GTF2F1: variants seen among roughly 807,000 people sequenced by gnomAD.
GTF2F1 encodes general transcription factor IIF subunit 1.
GTF2F1 carries 39 observed loss-of-function variants against 63.5 expected under a neutral mutation model. The ratio of observed to expected loss-of-function variants is 0.61; its 90% CI spans 0.48 to 0.80. GTF2F1 has a LOEUF of 0.80. GTF2F1 is among the 30% of genes least tolerant of loss of function. The pLI is 0.00. For missense variants in GTF2F1, 657 were observed against 718.3 expected (o/e 0.91, Z 0.97); for synonymous variants, 287 against 285.3 (o/e 1.01, Z -0.06).
chr19:6,385,574 C>T (rs115600542), intron 5 of GTF2F1, among the ~76,000 whole-genome samples: 5 of 152,200 alleles, frequency 3.3e-5, no homozygotes, highest in African/African-American at 7.2e-5. Context: ...ACTGATTTTA[C>T]AGTGGAGCCC....
At chr19:6,392,954 AC>A in intron 1 of GTF2F1, 29 bp downstream of exon 1, 2 of 1,613,448 alleles carry the variant, frequency 1.2e-6, no homozygotes, top group African/African-American at 1.3e-5. Flanking sequence ...CGCCGTCGGA[AC>A]CCCCGAACCC....
In GTF2F1 at chr19:6,381,086, C is replaced by T. The variant is rs375498391; in HGVS notation, c.1092+36G>A. The stretch of plus-strand genomic sequence containing the variant: ...GGAGGTGGGTGAGTCTGCAAACAGA[C>T]GCCCAGGCCTCCCCCGCCACCGGGC... On this transcript the variant is annotated intron_variant, in intron 10 of 12. Transcript: ENST00000394456. This position sits in a 1 kb window ranked among gnomAD's most constrained non-coding sequence, Gnocchi z 4.1. 5.4e-5 allele frequency: 86 copies of T among 1,605,364 alleles called. No homozygotes were observed. Among genetic ancestry groups the T allele is most frequent in the Non-Finnish European group, 6.2e-5 (73 of 1,176,136 alleles).
rs769460685 is a variant in GTF2F1 at position 6,380,931 on chromosome 19, G to A, written c.1204C>T (p.Arg402Trp). Residue 402 changes from arginine (R) to tryptophan (W), a missense_variant, in exon 11 of 13, where the codon CGG becomes TGG. Arg to Trp is a moderately radical substitution (Grantham distance 101, BLOSUM62 -3). Around this residue, in one of 2 missense-constraint regions of GTF2F1, gnomAD observed 602 missense variants for 625.6 expected, o/e 0.96. Transcript: ENST00000394456. The surrounding 1 kb of genome is among the most constrained non-coding windows in gnomAD (Gnocchi z 5.3). ...TGCTCGAGTTTGCTGGCAGCCGCCC[G>A]CAGGGTGGAGGAGGTGCTGCCACCC... is the stretch of plus-strand genomic sequence containing the variant. The part of the protein sequence containing the change: ...AEGGSTSSTL[R>W]AAASKLEQGK... The A allele has an allele frequency of 2.3e-5, 37 of 1,575,932 alleles. No individual in the cohort carries two copies. The highest frequency in any genetic ancestry group is 6.9e-5 in the East Asian group (3 of 43,552).
chr19:6,381,035 T>G lies in GTF2F1; in HGVS notation c.1100A>C (p.Lys367Thr), dbSNP rs756931564. The change falls in exon 11 of 13, where the codon AAG becomes ACG. Residue 367 changes from lysine (K) to threonine (T), a missense_variant. Physicochemically the swap from Lys to Thr is moderately conservative, Grantham distance 78. Transcript: ENST00000394456. The surrounding 1 kb of genome is among the most constrained non-coding windows in gnomAD (Gnocchi z 4.1). ...ASSALFMAKKKTPPKRERKPS... is the reference protein window; with the variant it reads ...ASSALFMAKKTTPPKRERKPS... ...CTTCCGCTCTCTCTTGGGTGGCGTC[T>G]TCTTCTTCTGCAGAGGTCAGGGTTG... 17 of 1,611,236 alleles carry G rather than the reference T, an allele frequency of 1.1e-5. No individual in the cohort carries two copies. The East Asian group carries it at 1.3e-4, about 13-fold the overall frequency.
At chr19:6,382,726 A>G (rs992949472) in intron 6 of GTF2F1, among the ~76,000 whole-genome samples, 6 of 143,408 alleles carry the variant, frequency 4.2e-5, no homozygotes, top group Non-Finnish European at 7.5e-5. Flanking sequence ...TGACCCTCGG[A>G]GGTCAAGGCT....
chr19:6,387,882 C>T (rs1375199514), intron 4 of GTF2F1, among the ~76,000 whole-genome samples: 3 of 150,620 alleles, frequency 2.0e-5, no homozygotes, highest in Non-Finnish European at 4.5e-5. Context: ...CTGTGGGCCA[C>T]ACCCGGGAAA....
At position 6,381,899 on chromosome 19, in the gene GTF2F1, A is replaced by G. The variant is rs1195879704; in HGVS notation, c.683-49T>C. 4.1e-6 allele frequency: 6 copies of G among 1,467,930 alleles called. No homozygotes were observed. Among genetic ancestry groups the G allele is most frequent in the Non-Finnish European group, 5.7e-6 (6 of 1,060,120 alleles). 90.9% of individuals were successfully genotyped at this position (1,467,930 alleles called of 1,614,324 possible). On this transcript the variant is annotated intron_variant, in intron 6 of 12. Transcript: ENST00000394456. This position sits in a 1 kb window ranked among gnomAD's most constrained non-coding sequence, Gnocchi z 4.1. Reference sequence around the variant, plus strand: ...AAGGAGGGAAAGTGAGGAGGAAGGCAGTGGGTATTTATTGTGTTTTTCACA... The same window carrying G: ...AAGGAGGGAAAGTGAGGAGGAAGGCGGTGGGTATTTATTGTGTTTTTCACA...
At chr19:6,384,756 G>A (rs889878206) in intron 5 of GTF2F1, among the ~76,000 whole-genome samples, 1 of 152,006 alleles carries the variant, frequency 6.6e-6, no homozygotes, top group Non-Finnish European at 1.5e-5. Flanking sequence ...GCAACATGGC[G>A]AGACACCATC....
At chr19:6,384,566 G>C (rs2145076497) in intron 5 of GTF2F1, among the ~76,000 whole-genome samples, 2 of 152,042 alleles carry the variant, frequency 1.3e-5, no homozygotes, top group South Asian at 4.2e-4. Flanking sequence ...CAAGGCCCAG[G>C]CTGGTGTGAA....
intron 2 of GTF2F1, chr19:6,392,180 T>C (rs768011627): frequency 9.6e-6 from 6 of 621,958 alleles, no homozygotes; most frequent in Admixed American, 2.1e-5. Context: ...ATTAATTCAA[T>C]TCAATTCACT....
rs571029840 is a variant in GTF2F1, at chr19:6,386,424, A to C, written c.497+965T>G. 3.9e-5 allele frequency among the ~76,000 whole-genome samples: 6 copies of C among 152,078 alleles called. No homozygotes were observed. In the South Asian group the frequency reaches 1.2e-3, roughly 32 times the overall value. ...CACAAACAAACAAACAAACAAAAAA[A>C]CACCAAAGAGGGAAAAAGGTGTTTT... On this transcript the variant is annotated intron_variant, in intron 5 of 12. Transcript: ENST00000394456.
rs746224485 is a variant in GTF2F1, at chr19:6,380,362, G to A, written c.1473C>T (p.Asn491=). The change falls in exon 13 of 13, where the codon AAC becomes AAT. Residue 491 remains asparagine (N), a synonymous_variant. Transcript: ENST00000394456. The surrounding 1 kb of genome is among the most constrained non-coding windows in gnomAD (Gnocchi z 5.3). ...KTGLSSEQTV[N]VLAQILKRLN... is the part of the protein sequence containing the mutation. ...GTCGCTTGAGGATCTGGGCCAACAC[G>A]TTCACTGTCTGCTCGCTGCTCAGCC... The A allele has an allele frequency of 5.0e-5, 81 of 1,613,952 alleles. No homozygotes were observed. Among genetic ancestry groups the A allele is most frequent in the African/African-American group, 2.7e-5 (2 of 74,898 alleles).
rs890910353 is a variant in GTF2F1, at chr19:6,383,617, T to C, written c.498-122A>G. On this transcript the variant is annotated intron_variant, in intron 5 of 12. Transcript: ENST00000394456. The surrounding 1 kb of genome is among the most constrained non-coding windows in gnomAD (Gnocchi z 4.5). Reference sequence around the variant, plus strand: ...TCAAGGTGATGTGGCCCCCGGGGACTTGGGCTGTGGCACAGGACTCCCTGA... The same window carrying C: ...TCAAGGTGATGTGGCCCCCGGGGACCTGGGCTGTGGCACAGGACTCCCTGA... 2 of 1,036,286 alleles carry C rather than the reference T, an allele frequency of 1.9e-6. No homozygotes were observed. The highest frequency in any genetic ancestry group is 2.8e-4 in the Middle Eastern group (1 of 3,562). 64.2% of individuals were successfully genotyped at this position (1,036,286 alleles called of 1,614,324 possible).
rs982474511 is a variant in GTF2F1 at position 6,393,162 on chromosome 19, G to A, written c.-167C>T. 6.1e-6 allele frequency: 5 copies of A among 823,564 alleles called. No individual in the cohort carries two copies. Among genetic ancestry groups the A allele is most frequent in the Non-Finnish European group, 9.7e-6 (5 of 516,698 alleles). 51.0% of individuals were successfully genotyped at this position (823,564 alleles called of 1,614,324 possible). A position where few individuals can be genotyped will look rare whatever the true frequency, so the allele number is the denominator to read the frequency against. ...TGGCGCTGGGAAAAGGTAACCGGAA[G>A]AGGCGCTCAAGCTACTCGGTCTACG... On this transcript the variant is annotated 5_prime_UTR_variant, in exon 1 of 13. Transcript: ENST00000394456.
At chr19:6,382,719 C>A (rs1230133909) in intron 6 of GTF2F1, among the ~76,000 whole-genome samples, 2 of 150,734 alleles carry the variant, frequency 1.3e-5, no homozygotes, top group Non-Finnish European at 3.0e-5. Flanking sequence ...GATCGTTTGA[C>A]CCTCGGAGGT....
At position 6,383,645 on chromosome 19, in the gene GTF2F1, C is replaced by T. The variant is rs2091963561; in HGVS notation, c.498-150G>A. On this transcript the variant is annotated intron_variant, in intron 5 of 12. Transcript: ENST00000394456. The surrounding 1 kb of genome is among the most constrained non-coding windows in gnomAD (Gnocchi z 4.5). ...GGCTGTGGCACAGGACTCCCTGAAA[C>T]CACACGGATAGAGCCAGCCCTTCCT... is the stretch of plus-strand genomic sequence containing the variant. 5.3e-6 allele frequency: 4 copies of T among 754,128 alleles called. No individual in the cohort carries two copies. The Admixed American group carries it at 1.0e-4, about 19-fold the overall frequency. 46.7% of individuals were successfully genotyped at this position (754,128 alleles called of 1,614,324 possible).
At position 6,380,392 on chromosome 19, in the gene GTF2F1, C is replaced by T. The variant is rs780478511; in HGVS notation, c.1443G>A (p.Lys481=). ...CTGTCTGCTCGCTGCTCAGCCCTGT[C>T]TTCTTGGTCTGGAACTTTTTCAGCA... ...KDLLKKFQTK[K]TGLSSEQTVN... Residue 481 remains lysine (K), a synonymous_variant, in exon 13 of 13, where the codon AAG becomes AAA. Coordinates refer to ENST00000394456, the MANE Select transcript of GTF2F1 (RefSeq NM_002096.3). The surrounding 1 kb of genome is among the most constrained non-coding windows in gnomAD (Gnocchi z 5.3). 3 of 1,614,008 alleles carry T rather than the reference C, an allele frequency of 1.9e-6. No homozygotes were observed. Among genetic ancestry groups the T allele is most frequent in the Non-Finnish European group, 2.5e-6 (3 of 1,180,022 alleles).
In GTF2F1 at chr19:6,393,026, G is replaced by A. The variant is rs758953117; in HGVS notation, c.-31C>T. On this transcript the variant is annotated 5_prime_UTR_variant, in exon 1 of 13. Transcript: ENST00000394456. ...ATGGTCAGTGGTTCCGATCTGGTCC[G>A]ACCCGGGTTCCTTTCGTCTCCTCTG... 1 of 1,613,072 alleles carries A rather than the reference G, an allele frequency of 6.2e-7. No individual in the cohort carries two copies. Among genetic ancestry groups the A allele is most frequent in the Admixed American group, 1.7e-5 (1 of 59,988 alleles).
At chr19:6,386,146 G>A (rs2091973088) in intron 5 of GTF2F1, among the ~76,000 whole-genome samples, 1 of 151,988 alleles carries the variant, frequency 6.6e-6, no homozygotes, top group Admixed American at 6.6e-5. Context: ...CACACTTAGG[G>A]AGGCTGAGGG....
Sources: allele counts gnomAD v4.1 joint callset (sites outside exome capture counted in the v4.1 genomes callset), GRCh38; gene constraint gnomAD v4.1.1; regional missense constraint gnomAD v4.1.1; non-coding constraint Gnocchi (gnomAD v3.1); transcripts MANE v1.5; gene names NCBI Gene and HGNC (gene_info 2026-07-23, HGNC 2026-07-21).